The following MTR variants were observed in gnomAD, a reference collection of about 807,000 sequenced individuals.
MTR encodes 5-methyltetrahydrofolate-homocysteine methyltransferase.
A neutral mutation model predicts 154.8 loss-of-function variants in MTR; 84 were observed. The ratio of observed to expected loss-of-function variants is 0.54; its 90% confidence interval spans 0.45 to 0.65. MTR has a LOEUF of 0.65. Ranked by LOEUF, MTR falls within the 30% of genes least tolerant of loss-of-function variation. MTR has a pLI of 0.00. For synonymous variants in MTR, 554 were observed against 553.9 expected (o/e 1.00, Z 0.00); for missense variants, 1,275 against 1,570.2 (o/e 0.81, Z 3.18).
intron 12 of MTR, among the ~76,000 whole-genome samples, chr1:236,829,527 G>T (rs1046194526): frequency 2.4e-4 from 37 of 152,104 alleles, no homozygotes; most frequent in African/African-American, 8.5e-4. Context: ...GGAGCTCGAT[G>T]GTCCTATCTT....
chr1:236,838,297 A>G (rs1207336263), intron 14 of MTR, 117 bp from the exon 15 acceptor site: 5 of 1,016,902 alleles, frequency 4.9e-6, no homozygotes, highest in Non-Finnish European at 7.5e-6. Flanking sequence ...CTGACATACT[A>G]CTATTTTTTG....
chr1:236,866,802 A>T (rs1664846794), intron 22 of MTR, among the ~76,000 whole-genome samples: 1 of 152,228 alleles, frequency 6.6e-6, no homozygotes, highest in Non-Finnish European at 1.5e-5. Flanking sequence ...TATTCCCTTA[A>T]GCCAGAGTCT....
At chr1:236,884,463 C>A (rs1665910959) in intron 25 of MTR, among the ~76,000 whole-genome samples, 1 of 152,092 alleles carries the variant, frequency 6.6e-6, no homozygotes, top group Non-Finnish European at 1.5e-5. Context: ...ACTGTTATGA[C>A]CATGGTTTAT....
In MTR at chr1:236,859,838, A is replaced by G; in HGVS notation, c.1959A>G (p.Gln653=). Residue 653 remains glutamine (Q), a synonymous_variant, in exon 19 of 33, where the codon CAA becomes CAG. Coordinates refer to ENST00000366577, the MANE Select transcript of MTR (RefSeq NM_000254.3). ...TGGTTTCAATTTCAATTCAGACTCA[A>G]GGCACAGGAGGGAAGAAAGTCATTC... ...TEKLLRYAQT[Q]GTGGKKVIQT... is the part of the protein sequence containing the mutation. 6.2e-7 allele frequency: 1 copy of G among 1,613,692 alleles called. No homozygotes were observed. Among genetic ancestry groups the G allele is most frequent in the Middle Eastern group, 1.7e-4 (1 of 6,060 alleles).
Position 236,826,895 on chromosome 1 carries a change from A to T in MTR, c.994A>T (p.Arg332Trp). 6.2e-7 allele frequency: 1 copy of T among 1,612,094 alleles called. No homozygotes were observed. Among genetic ancestry groups the T allele is most frequent in the Non-Finnish European group, 8.5e-7 (1 of 1,178,182 alleles). ...GCCGSTPDHI[R>W]EIAEAVKNCK... ...CTGTGGGTCAACACCAGATCATATC[A>T]GGTAATAATCACCTATAGACAATAT... The change falls in exon 11 of 33, where the codon AGG becomes TGG. Residue 332 changes from arginine (R) to tryptophan (W), a missense_variant and splice_region_variant. Arg to Trp is a moderately radical substitution (Grantham distance 101). Coordinates refer to ENST00000366577, the MANE Select transcript of MTR (RefSeq NM_000254.3).
At chr1:236,814,355 G>A (rs370122512) in intron 6 of MTR, among the ~76,000 whole-genome samples, 5 of 152,182 alleles carry the variant, frequency 3.3e-5, no homozygotes, top group East Asian at 3.9e-4. Context: ...AGAGAGTCAC[G>A]GTATTGTTCA....
At position 236,900,850 on chromosome 1, in the gene MTR, C is replaced by G. The variant is rs1437346228; in HGVS notation, c.*3206C>G. ...TTGGGGAATGAGTGGATGGCTGGAC[C>G]ATTTGCTAAGACAGAGGCCAGGGGA... is the stretch of plus-strand genomic sequence containing the variant. On this transcript the variant is annotated 3_prime_UTR_variant, in exon 33 of 33. Coordinates refer to ENST00000366577, the MANE Select transcript of MTR (RefSeq NM_000254.3). The G allele has an allele frequency of 6.5e-6, 1 of 152,716 alleles. No individual in the cohort carries two copies. Among genetic ancestry groups the G allele is most frequent in the African/African-American group, 2.4e-5 (1 of 41,406 alleles). 9.5% of individuals were successfully genotyped at this position (152,716 alleles called of 1,614,324 possible). A position where few individuals can be genotyped will look rare whatever the true frequency, so the allele number is the denominator to read the frequency against.
At chr1:236,884,424 C>T (rs1665909615) in intron 25 of MTR, among the ~76,000 whole-genome samples, 1 of 152,156 alleles carries the variant, frequency 6.6e-6, no homozygotes, top group Non-Finnish European at 1.5e-5. Flanking sequence ...TTCAAAGTTT[C>T]ACTAGAAGGA....
At chr1:236,814,894 AC>A (rs1165797068) in intron 6 of MTR, among the ~76,000 whole-genome samples, 1 of 152,222 alleles carries the variant, frequency 6.6e-6, no homozygotes, top group African/African-American at 2.4e-5. Flanking sequence ...AAAAAAACCT[AC>A]CATCACAGGA....
intron 25 of MTR, 123 bp from the exon 26 acceptor site, chr1:236,884,998 A>C (rs1665940113): frequency 2.8e-6 from 2 of 722,460 alleles, no homozygotes; most frequent in Non-Finnish European, 5.0e-6. Context: ...GAATTAGCAC[A>C]GTTGGTGAAG....
At chr1:236,885,037 CCTGAAGGAGGTG>C in intron 25 of MTR, 72 bp from the exon 26 acceptor site, 1 of 856,454 alleles carries the variant, frequency 1.2e-6, no homozygotes, top group Non-Finnish European at 2.0e-6. Flanking sequence ...AGGAAGCCTT[CCTGAAGGAGGTG>C]TTATCAGCAT....
intron 22 of MTR, among the ~76,000 whole-genome samples, chr1:236,870,339 T>G: frequency 6.6e-6 from 1 of 152,234 alleles, no homozygotes; most frequent in East Asian, 1.9e-4. Flanking sequence ...GATTCTCTCC[T>G]GCTGATCTCT....
At chr1:236,820,205 G>A (rs1661847470) in intron 8 of MTR, 1 of 759,364 alleles carries the variant, frequency 1.3e-6, no homozygotes, top group South Asian at 1.3e-5. Flanking sequence ...ACCATTTCCT[G>A]TGAACACTTG....
chr1:236,891,668 C>A (rs1255933330), intron 29 of MTR, among the ~76,000 whole-genome samples: 1 of 152,112 alleles, frequency 6.6e-6, no homozygotes, highest in African/African-American at 2.4e-5. Context: ...CTCACTTGTT[C>A]AAAAACGTAG....
At position 236,895,484 on chromosome 1, in the gene MTR, C is replaced by G. The variant is rs1467474078; in HGVS notation, c.3532C>G (p.Pro1178Ala). The change falls in exon 31 of 33, where the codon CCC becomes GCC. Residue 1178 changes from proline to alanine, a missense_variant. By Grantham distance (27) the Pro-to-Ala change is conservative. Transcript: ENST00000366577. ...YKGIRPAPGYPSQPDHTEKLT... is the reference protein window; with the variant it reads ...YKGIRPAPGYASQPDHTEKLT... ...GGGCATCCGCCCGGCTCCTGGCTAC[C>G]CCAGCCAGCCCGACCACACCGAGAA... is the stretch of plus-strand genomic sequence containing the variant. The G allele has an allele frequency of 6.3e-7, 1 of 1,595,202 alleles. No individual in the cohort carries two copies. The highest frequency in any genetic ancestry group is 1.1e-5 in the South Asian group (1 of 87,782).
rs143153082 is a variant in MTR, at chr1:236,895,876, C to T, written c.3598+326C>T. On this transcript the variant is annotated intron_variant, in intron 31 of 32. Coordinates refer to ENST00000366577, the MANE Select transcript of MTR (RefSeq NM_000254.3). ...GGCATGGTGATGTCTTTAATCCCTC[C>T]CTTAGAGACCGACCTTTGTCCCTCA... 7.1e-3 allele frequency among the ~76,000 whole-genome samples: 1,081 copies of T among 152,344 alleles called. 11 individuals carry two copies. Among genetic ancestry groups the T allele is most frequent in the Middle Eastern group, 0.048 (14 of 294 alleles).
chr1:236,801,636 C>T (rs1347014164), intron 1 of MTR, among the ~76,000 whole-genome samples: 2 of 152,144 alleles, frequency 1.3e-5, no homozygotes, highest in African/African-American at 4.8e-5. Context: ...AAATATTTGC[C>T]AAGTACTGAC....
At chr1:236,813,143 C>T (rs1558279608) in intron 6 of MTR, among the ~76,000 whole-genome samples, 1 of 152,104 alleles carries the variant, frequency 6.6e-6, no homozygotes, top group African/African-American at 2.4e-5. Context: ...TTGAAAGATA[C>T]ATAAATATAT....
intron 5 of MTR, 110 bp from the exon 6 acceptor site, chr1:236,812,628 C>T (rs1661370248): frequency 2.4e-6 from 2 of 836,702 alleles, no homozygotes; most frequent in African/African-American, 3.3e-5. Flanking sequence ...TTAAACTATG[C>T]ATTGTAAACC....
Sources: gnomAD v4.1 joint callset for allele counts (sites outside exome capture counted in the v4.1 genomes callset) on GRCh38, gnomAD v4.1.1 for gene constraint, MANE v1.5 for transcripts, NCBI Gene and HGNC (gene_info 2026-07-23, HGNC 2026-07-21) for gene names.